The following PHF24 variants were observed in gnomAD, a reference collection of about 807,000 sequenced individuals.
PHF24 encodes the protein PHD finger protein 24.
A neutral mutation model predicts 42.6 loss-of-function variants in PHF24; 25 were observed. That is an observed-to-expected ratio of 0.59 (90% CI 0.43 to 0.82). The LOEUF (loss-of-function observed/expected upper bound fraction) is 0.82, where lower values mean the gene tolerates loss of function less well. Ranked by LOEUF, PHF24 falls within the 40% of genes least tolerant of loss-of-function variation. The pLI is 0.00. For missense variants in PHF24, 470 were observed against 538.1 expected (o/e 0.87, Z 1.25); for synonymous variants, 185 against 204.8 (o/e 0.90, Z 0.83).
chr9:34,905,553 A>AAAG, the PHF24 span, among the ~76,000 whole-genome samples: 2 of 152,232 alleles, frequency 1.3e-5, no homozygotes, highest in Non-Finnish European at 2.9e-5. Flanking sequence ...AATATTATAT[A>AAAG]AAGTTGCTAT....
At chr9:34,724,798 C>T in the PHF24 span, 1 of 1,551,344 alleles carries the variant, frequency 6.4e-7, no homozygotes, top group East Asian at 2.4e-5. Flanking sequence ...CGGGACTAGG[C>T]TCCATCTCTG....
chr9:34,815,032 C>CA, the PHF24 span, among the ~76,000 whole-genome samples: 3 of 152,214 alleles, frequency 2.0e-5, no homozygotes, highest in Non-Finnish European at 2.9e-5. Flanking sequence ...GCGCTTGGCA[C>CA]AATTCTTGAC....
the PHF24 span, among the ~76,000 whole-genome samples, chr9:34,820,819 C>A: frequency 6.6e-6 from 1 of 152,212 alleles, no homozygotes; most frequent in Non-Finnish European, 1.5e-5. Context: ...AAACTGCTTT[C>A]CACATGGCTC....
At chr9:34,839,588 G>A in the PHF24 span, among the ~76,000 whole-genome samples, 15 of 152,116 alleles carry the variant, frequency 9.9e-5, no homozygotes, top group Non-Finnish European at 4.4e-5. Context: ...CAAAAGCGGA[G>A]AAAAAAATTC....
the PHF24 span, among the ~76,000 whole-genome samples, chr9:34,708,811 A>G: frequency 6.6e-6 from 1 of 152,192 alleles, no homozygotes; most frequent in East Asian, 1.9e-4. Flanking sequence ...AGGATGCCTC[A>G]GAAGACTGGG....
the PHF24 span, chr9:34,723,758 A>G: frequency 5.2e-6 from 8 of 1,551,760 alleles, no homozygotes; most frequent in Non-Finnish European, 6.1e-6. Context: ...CTGGGGCAAC[A>G]CAGTCTGGGC....
intron 1 of PHF24, among the ~76,000 whole-genome samples, chr9:34,971,033 T>C (rs1419107235): frequency 6.6e-6 from 1 of 152,054 alleles, no homozygotes; most frequent in Non-Finnish European, 1.5e-5. Context: ...AGGGAATCAC[T>C]AAAGCCCAGG....
the PHF24 span, among the ~76,000 whole-genome samples, chr9:34,784,968 G>A: frequency 3.9e-5 from 6 of 152,298 alleles, no homozygotes; most frequent in South Asian, 4.1e-4. Context: ...ATGTGTTTTA[G>A]CTTTTAAAAA....
At chr9:34,846,011 T>C in the PHF24 span, among the ~76,000 whole-genome samples, 3 of 152,148 alleles carry the variant, frequency 2.0e-5, no homozygotes, top group African/African-American at 7.2e-5. Context: ...GTTGGACATA[T>C]GGGTTGGTTC....
the PHF24 span, among the ~76,000 whole-genome samples, chr9:34,921,592 A>T: frequency 6.6e-6 from 1 of 152,246 alleles, no homozygotes; most frequent in Non-Finnish European, 1.5e-5. Flanking sequence ...TGGAATGTGA[A>T]CCGTTTCTGC....
the PHF24 span, among the ~76,000 whole-genome samples, chr9:34,694,761 G>C: frequency 6.6e-6 from 1 of 152,162 alleles, no homozygotes; most frequent in Non-Finnish European, 1.5e-5. Context: ...TGGAAACACT[G>C]TTCCCTCCTC....
chr9:34,919,710 A>ACACACACACACACACACACACC, the PHF24 span, among the ~76,000 whole-genome samples: 1 of 151,832 alleles, frequency 6.6e-6, no homozygotes, highest in East Asian at 1.9e-4. Context: ...ACACACACAC[A>ACACACACACACACACACACACC]TCCCAACCCC....
chr9:34,912,396 C>T, the PHF24 span, among the ~76,000 whole-genome samples: 2 of 152,076 alleles, frequency 1.3e-5, no homozygotes. Flanking sequence ...AAAAGGGGCT[C>T]CTGAGAAACA....
At chr9:34,958,226 G>GCGGCGCCGCCGC (rs1554657769), upstream of PHF24, 2 of 150,272 alleles carry the variant, frequency 1.3e-5, no homozygotes, top group African/African-American at 5.1e-5. This position sits in a 1 kb window ranked among gnomAD's most constrained non-coding sequence, Gnocchi z 4.5. Flanking sequence ...CCGGCCGCGC[G>GCGGCGCCGCCGC]CGCCGCCGCC....
the PHF24 span, among the ~76,000 whole-genome samples, chr9:34,768,356 G>C: frequency 3.3e-5 from 5 of 152,164 alleles, no homozygotes; most frequent in Non-Finnish European, 7.3e-5. Context: ...TTTCTGGAAA[G>C]TTACAGCAAA....
chr9:34,776,571 G>A, the PHF24 span, among the ~76,000 whole-genome samples: 1 of 152,046 alleles, frequency 6.6e-6, no homozygotes, highest in South Asian at 2.1e-4. Context: ...TATCTCTTTA[G>A]CAAATTTCTC....
the PHF24 span, among the ~76,000 whole-genome samples, chr9:34,764,613 C>T: frequency 2.0e-5 from 3 of 152,064 alleles, no homozygotes; most frequent in South Asian, 2.1e-4. Flanking sequence ...GTCTTGCTAG[C>T]GGTCTATCAA....
chr9:34,928,899 G>A, the PHF24 span, among the ~76,000 whole-genome samples: 1 of 152,196 alleles, frequency 6.6e-6, no homozygotes, highest in Non-Finnish European at 1.5e-5. Flanking sequence ...TAGTCCAGGA[G>A]TCCCTTGGTC....
At chr9:34,845,120 A>G in the PHF24 span, among the ~76,000 whole-genome samples, 1 of 152,142 alleles carries the variant, frequency 6.6e-6, no homozygotes, top group Non-Finnish European at 1.5e-5. Flanking sequence ...CTTAAAGTCT[A>G]TTTTATCTGA....
Sources: allele counts gnomAD v4.1 joint callset (sites outside exome capture counted in the v4.1 genomes callset), GRCh38; gene constraint gnomAD v4.1.1; non-coding constraint Gnocchi (gnomAD v3.1); transcripts MANE v1.5; gene names NCBI Gene and HGNC (gene_info 2026-07-23, HGNC 2026-07-21).